Variants in PRKCH observed in about 807,000 individuals in gnomAD.
PRKCH encodes the protein protein kinase C eta type.
In PRKCH, 28 loss-of-function variants were observed where a neutral mutation model predicts 82.5. The ratio of observed to expected loss-of-function variants is 0.34; its 90% CI spans 0.25 to 0.47. The LOEUF is 0.47. PRKCH is among the 20% of genes least tolerant of loss of function. The probability of loss-of-function intolerance (pLI) is 1.00; values close to 1 mark genes in which losing one functional copy is unlikely to be tolerated. For synonymous variants in PRKCH, 322 were observed against 327.4 expected, an observed-to-expected ratio of 0.98 and a Z score of 0.18; for missense variants, 705 against 881.8, an observed-to-expected ratio of 0.80 and a Z score of 2.54.
chr14:61,220,065 C>T (rs578168576), intron 1 of PRKCH, among the ~76,000 whole-genome samples: 2 of 152,268 alleles, frequency 1.3e-5, no homozygotes, highest in African/African-American at 2.4e-5. Flanking sequence ...TCATGGGAGA[C>T]GCTGCCACAG....
At chr14:61,264,989 A>G (rs2045084887) in intron 1 of PRKCH, among the ~76,000 whole-genome samples, 1 of 152,170 alleles carries the variant, frequency 6.6e-6, no homozygotes, top group African/African-American at 2.4e-5. Context: ...AGAGCCACCC[A>G]GTGTTCCTTC....
At chr14:61,360,789 G>C (rs956218144) in intron 1 of PRKCH, among the ~76,000 whole-genome samples, 16 of 152,318 alleles carry the variant, frequency 1.1e-4, no homozygotes, top group Admixed American at 5.9e-4. Context: ...TGTTAACCAT[G>C]CTAGGAAGTT....
intron 10 of PRKCH, among the ~76,000 whole-genome samples, chr14:61,500,682 G>A (rs1316400878): frequency 6.6e-6 from 1 of 152,056 alleles, no homozygotes; most frequent in Non-Finnish European, 1.5e-5. Flanking sequence ...AATAGAGAAG[G>A]TAGTCATAAA....
intron 9 of PRKCH, among the ~76,000 whole-genome samples, chr14:61,459,028 C>G (rs576092745): frequency 1.3e-5 from 2 of 152,180 alleles, no homozygotes; most frequent in Non-Finnish European, 2.9e-5. Context: ...TTCACACCAA[C>G]CTTGATTCAG....
chr14:61,441,381 G>A (rs79090609), intron 2 of PRKCH, among the ~76,000 whole-genome samples: 5,535 of 152,134 alleles, frequency 0.036, 120 homozygotes, highest in Middle Eastern at 0.061. Context: ...ACTGGAGCCC[G>A]GTTTATACTC....
chr14:61,391,121 G>A, intron 1 of PRKCH, 104 bp from the exon 2 acceptor site: 1 of 862,432 alleles, frequency 1.2e-6, no homozygotes, highest in South Asian at 1.9e-5. Context: ...TATTTGATTT[G>A]TGGCTGTGAT....
chr14:61,408,206 T>G (rs1335012403), intron 2 of PRKCH, among the ~76,000 whole-genome samples: 1 of 152,188 alleles, frequency 6.6e-6, no homozygotes, highest in Non-Finnish European at 1.5e-5. Flanking sequence ...CCCATCCTAC[T>G]CAGTGGCATT....
chr14:61,481,835 A>G (rs1885986966), intron 9 of PRKCH, among the ~76,000 whole-genome samples: 1 of 152,192 alleles, frequency 6.6e-6, no homozygotes, highest in African/African-American at 2.4e-5. Context: ...TACCTACATG[A>G]GAGCACAAGC....
At chr14:61,502,065 C>CTT (rs869064641) in intron 10 of PRKCH, among the ~76,000 whole-genome samples, 3 of 6,416 alleles carry the variant, frequency 4.7e-4, no homozygotes, top group South Asian at 3.2e-3. Context: ...CTTTTCTTTT[C>CTT]TTTTTTTTTT....
In PRKCH at chr14:61,280,288, ATGT is replaced by A; in HGVS notation, c.-19+92623_-19+92625del. 1 of 1,613,892 alleles carries A rather than the reference ATGT, an allele frequency of 6.2e-7. No individual in the cohort carries two copies. The highest frequency in any genetic ancestry group is 8.5e-7 in the Non-Finnish European group (1 of 1,179,970). On this transcript the variant is annotated intron_variant, in intron 1 of 3. Coordinates refer to the PRKCH transcript ENST00000555185. The surrounding 1 kb of genome is among the most constrained non-coding windows in gnomAD (Gnocchi z 5.0). ...CGCGCGCACCGGGTAGTTGTAGGTG[ATGT>A]TGACGCGGTAGGCGCCCCGCGGCAG...
At chr14:61,343,324 C>G (rs2045950886) in intron 1 of PRKCH, among the ~76,000 whole-genome samples, 1 of 140,012 alleles carries the variant, frequency 7.1e-6, no homozygotes, top group Non-Finnish European at 1.5e-5. Flanking sequence ...AAGAATGTCC[C>G]TTTAGAGAAA....
chr14:61,329,254 T>TTTTTTTTTTTTG (rs1555375988), intron 1 of PRKCH, among the ~76,000 whole-genome samples: 16 of 122,516 alleles, frequency 1.3e-4, no homozygotes, highest in Non-Finnish European at 1.5e-4. Context: ...TTTTTTTTTT[T>TTTTTTTTTTTTG]GAGACAGAAT....
intron 1 of PRKCH, chr14:61,303,558 C>T (rs1448095316): frequency 6.6e-6 from 1 of 152,100 alleles, no homozygotes; most frequent in Non-Finnish European, 1.5e-5. Context: ...TTACTTTCAA[C>T]CTATCTGGAT....
intron 10 of PRKCH, among the ~76,000 whole-genome samples, chr14:61,512,789 C>A (rs2042764497): frequency 6.6e-6 from 1 of 152,004 alleles, no homozygotes; most frequent in African/African-American, 2.4e-5. Context: ...ACCTACAAGC[C>A]CAATTTTCTT....
At chr14:61,256,030 C>T (rs113321703) in intron 1 of PRKCH, among the ~76,000 whole-genome samples, 3 of 152,048 alleles carry the variant, frequency 2.0e-5, no homozygotes, top group African/African-American at 4.8e-5. Context: ...TTTAGTGGCG[C>T]GAGTCTGGGA....
chr14:61,226,011 T>C (rs192459417), intron 1 of PRKCH, among the ~76,000 whole-genome samples: 2 of 152,314 alleles, frequency 1.3e-5, no homozygotes, highest in Non-Finnish European at 2.9e-5. Context: ...AGTAAAAATA[T>C]CAGGTCAACT....
chr14:61,509,132 G>A (rs1391094170), intron 10 of PRKCH, among the ~76,000 whole-genome samples: 1 of 152,114 alleles, frequency 6.6e-6, no homozygotes, highest in Admixed American at 6.5e-5. Context: ...CCCGAATCCT[G>A]CCATTCCCTC....
At chr14:61,196,001 C>A (rs977196210) in intron 1 of PRKCH, among the ~76,000 whole-genome samples, 16 of 152,026 alleles carry the variant, frequency 1.1e-4, no homozygotes. Context: ...GACAGAAAAG[C>A]TATTTTTGTG....
intron 1 of PRKCH, among the ~76,000 whole-genome samples, chr14:61,276,955 G>A (rs748231696): frequency 1.3e-5 from 2 of 152,092 alleles, no homozygotes; most frequent in Admixed American, 1.3e-4. Context: ...AGGCCAAGGC[G>A]GGCAGATCAT....
Sources: allele counts gnomAD v4.1 joint callset (sites outside exome capture counted in the v4.1 genomes callset), GRCh38; gene constraint gnomAD v4.1.1; non-coding constraint Gnocchi (gnomAD v3.1); transcripts MANE v1.5; gene names NCBI Gene and HGNC (gene_info 2026-07-23, HGNC 2026-07-21).